PTPRM: variants seen among roughly 807,000 people sequenced by gnomAD.
PTPRM encodes receptor-type tyrosine-protein phosphatase mu.
A neutral mutation model predicts 186.7 loss-of-function variants in PTPRM; 47 were observed. The observed-to-expected ratio is 0.25, with a 90% CI of 0.20 to 0.32. PTPRM has a LOEUF of 0.32. Among genes scored for constraint, PTPRM ranks in the 10% least tolerant of loss-of-function variants. The probability of loss-of-function intolerance (pLI) is 1.00; values close to 1 mark genes in which losing one functional copy is unlikely to be tolerated. For missense variants in PTPRM, 1,494 were observed against 1,865.0 expected (o/e 0.80, Z 3.66); for synonymous variants, 668 against 674.9 (o/e 0.99, Z 0.16).
chr18:8,226,652 C>G (rs2094217424), intron 14 of PTPRM, among the ~76,000 whole-genome samples: 1 of 152,168 alleles, frequency 6.6e-6, no homozygotes, highest in African/African-American at 2.4e-5. Context: ...TATTAAAATT[C>G]TGAACACTGT....
chr18:7,998,573 A>C (rs558544025), intron 7 of PTPRM, among the ~76,000 whole-genome samples: 1 of 152,350 alleles, frequency 6.6e-6, no homozygotes, highest in East Asian at 1.9e-4. Flanking sequence ...AAAAAGCATT[A>C]AATATTTTAA....
At chr18:8,169,494 A>G (rs1307599854) in intron 14 of PTPRM, among the ~76,000 whole-genome samples, 1 of 152,220 alleles carries the variant, frequency 6.6e-6, no homozygotes, top group Non-Finnish European at 1.5e-5. Flanking sequence ...TGAACACTTC[A>G]TAAAGTGTAC....
chr18:8,395,916 T>C (rs1176246016), intron 32 of PTPRM, among the ~76,000 whole-genome samples: 1 of 152,238 alleles, frequency 6.6e-6, no homozygotes, highest in East Asian at 1.9e-4. Flanking sequence ...ATGAGCTCAC[T>C]GAGGTACCCA....
intron 32 of PTPRM, chr18:8,399,659 A>G (rs1005734090): frequency 4.6e-5 from 7 of 152,222 alleles, no homozygotes; most frequent in African/African-American, 1.4e-4. Context: ...CACCCCCTTT[A>G]CAGAGAAGTC....
At chr18:8,153,046 C>T (rs747269185) in intron 14 of PTPRM, among the ~76,000 whole-genome samples, 1 of 152,128 alleles carries the variant, frequency 6.6e-6, no homozygotes, top group African/African-American at 2.4e-5. Flanking sequence ...CATTCCCCAC[C>T]TCAATGTGTA....
intron 29 of PTPRM, among the ~76,000 whole-genome samples, chr18:8,381,360 TA>T (rs60672111): frequency 0.68 from 94,382 of 137,980 alleles, 31,752 homozygotes; most frequent in East Asian, 0.82. Context: ...TTCTTTTTCT[TA>T]AAAAAAAAAA....
intron 7 of PTPRM, among the ~76,000 whole-genome samples, chr18:7,964,299 G>A (rs1182063339): frequency 4.6e-5 from 7 of 152,216 alleles, no homozygotes; most frequent in Non-Finnish European, 8.8e-5. Context: ...AGAGGAAACA[G>A]TGTTCCCCTG....
At chr18:8,339,191 C>A (rs919031763) in intron 22 of PTPRM, among the ~76,000 whole-genome samples, 7 of 148,774 alleles carry the variant, frequency 4.7e-5, no homozygotes, top group Non-Finnish European at 1.0e-4. Context: ...AAAAAAAAAA[C>A]GTTCCGCCCC....
chr18:7,642,753 A>G (rs1245348992), intron 1 of PTPRM, among the ~76,000 whole-genome samples: 1 of 149,810 alleles, frequency 6.7e-6, no homozygotes, highest in Non-Finnish European at 1.5e-5. Flanking sequence ...TACTGTGAGT[A>G]TTTTTCACCC....
chr18:8,074,858 A>G (rs938734135), intron 8 of PTPRM, among the ~76,000 whole-genome samples: 13 of 152,142 alleles, frequency 8.5e-5, no homozygotes, highest in African/African-American at 3.1e-4. Context: ...TCTTGTCTTA[A>G]TAGTGTCCTT....
At chr18:8,258,536 C>T (rs1004242336) in intron 19 of PTPRM, among the ~76,000 whole-genome samples, 1 of 152,072 alleles carries the variant, frequency 6.6e-6, no homozygotes, top group Admixed American at 6.5e-5. Context: ...CTTTTGCAGT[C>T]CCCAAAGGAC....
chr18:8,119,488 T>C (rs1462640710), intron 13 of PTPRM, among the ~76,000 whole-genome samples: 1 of 152,222 alleles, frequency 6.6e-6, no homozygotes, highest in Non-Finnish European at 1.5e-5. Context: ...CACTCATATA[T>C]GCTAATCTGC....
chr18:8,349,921 C>T (rs1196734738), intron 23 of PTPRM, among the ~76,000 whole-genome samples: 1 of 152,210 alleles, frequency 6.6e-6, no homozygotes, highest in African/African-American at 2.4e-5. Context: ...CCCCAGCATC[C>T]ACAGTGGTCA....
intron 14 of PTPRM, among the ~76,000 whole-genome samples, chr18:8,218,412 A>G (rs1246204091): frequency 6.6e-6 from 1 of 152,198 alleles, no homozygotes; most frequent in Non-Finnish European, 1.5e-5. Flanking sequence ...CCTTTCTTGC[A>G]GCAAGCAACT....
chr18:7,676,671 G>GTA (rs1197240006), intron 1 of PTPRM, among the ~76,000 whole-genome samples: 10 of 150,234 alleles, frequency 6.7e-5, no homozygotes, highest in African/African-American at 2.2e-4. Context: ...GTATGTGTGT[G>GTA]TGTGTGTGTG....
chr18:8,068,250 G>T (rs1373155963), intron 7 of PTPRM, among the ~76,000 whole-genome samples: 1 of 152,130 alleles, frequency 6.6e-6, no homozygotes, highest in Non-Finnish European at 1.5e-5. Context: ...CTTCTCAATT[G>T]TAGATCTCTT....
intron 1 of PTPRM, among the ~76,000 whole-genome samples, chr18:7,759,099 A>G (rs1303945676): frequency 6.6e-6 from 1 of 152,208 alleles, no homozygotes; most frequent in Non-Finnish European, 1.5e-5. Flanking sequence ...TTTAAACCTT[A>G]CAGAAATTGA....
intron 1 of PTPRM, among the ~76,000 whole-genome samples, chr18:7,585,435 G>T (rs889248956): frequency 6.6e-6 from 1 of 152,234 alleles, no homozygotes; most frequent in African/African-American, 2.4e-5. Context: ...TGGTGGCTTG[G>T]CAGTCTTCCC....
rs1330490611 is a variant in PTPRM, at chr18:8,394,608, C to G, written c.4341C>G (p.Leu1447=). 6.2e-7 allele frequency: 1 copy of G among 1,609,464 alleles called. No homozygotes were observed. The highest frequency in any genetic ancestry group is 1.3e-5 in the African/African-American group (1 of 74,738). ...ACAACAAGCCCAACATGGTCGACCT[C>G]CTGGTAGGACACCCCCTCTGAGCTG... ...LRNNKPNMVD[L]LDQYKFCYEV... Residue 1447 remains leucine (L), a synonymous_variant, in exon 32 of 33, where the codon CTC becomes CTG. Coordinates refer to ENST00000580170, the MANE Select transcript of PTPRM (RefSeq NM_001105244.2).
Sources: allele counts gnomAD v4.1 joint callset (sites outside exome capture counted in the v4.1 genomes callset), GRCh38; gene constraint gnomAD v4.1.1; transcripts MANE v1.5; gene names NCBI Gene and HGNC (gene_info 2026-07-23, HGNC 2026-07-21).